Variants in CADPS2 observed in about 807,000 individuals in gnomAD.
CADPS2 encodes the protein calcium dependent secretion activator 2.
A neutral mutation model predicts 172.5 loss-of-function variants in CADPS2; 93 were observed. That is an observed-to-expected ratio of 0.54 (90% CI 0.46 to 0.64). The LOEUF (loss-of-function observed/expected upper bound fraction) is 0.64, where lower values mean the gene tolerates loss of function less well. Among genes scored for constraint, CADPS2 ranks in the 30% least tolerant of loss-of-function variants. CADPS2 has a pLI of 0.00. For synonymous variants in CADPS2, 546 were observed against 555.2 expected (o/e 0.98, Z 0.23); for missense variants, 1,420 against 1,565.9 (o/e 0.91, Z 1.57).
chr7:122,577,083 T>A (rs2132710980), intron 7 of CADPS2, among the ~76,000 whole-genome samples: 1 of 152,030 alleles, frequency 6.6e-6, no homozygotes, highest in South Asian at 2.1e-4. Flanking sequence ...TTTATAAGCT[T>A]CTGGCATTTC....
intron 3 of CADPS2, among the ~76,000 whole-genome samples, chr7:122,639,800 T>C (rs978007649): frequency 8.5e-5 from 13 of 152,210 alleles, no homozygotes; most frequent in African/African-American, 2.9e-4. Context: ...TGAGCGCTCA[T>C]AAACATTGGA....
chr7:122,364,690 G>A (rs1460670429), intron 25 of CADPS2, among the ~76,000 whole-genome samples: 2 of 149,850 alleles, frequency 1.3e-5, no homozygotes, highest in East Asian at 2.0e-4. Flanking sequence ...TTGCGCCACT[G>A]CACTCCAGCC....
intron 9 of CADPS2, among the ~76,000 whole-genome samples, chr7:122,498,987 A>T (rs926227378): frequency 2.0e-5 from 3 of 152,200 alleles, no homozygotes; most frequent in Non-Finnish European, 2.9e-5. Flanking sequence ...AATTTTTAAA[A>T]ATGCCAGCTG....
At chr7:122,705,917 A>AATATAAT (rs2087200545) in intron 2 of CADPS2, among the ~76,000 whole-genome samples, 1 of 1,374 alleles carries the variant, frequency 7.3e-4, no homozygotes, top group African/African-American at 1.0e-3. Context: ...TATATTATAT[A>AATATAAT]ATATAATATA....
intron 1 of CADPS2, among the ~76,000 whole-genome samples, chr7:122,747,093 T>A (rs2092748237): frequency 6.6e-6 from 1 of 152,028 alleles, no homozygotes; most frequent in Non-Finnish European, 1.5e-5. Context: ...GCCTGAGTGA[T>A]CTCTGTGGCA....
At chr7:122,425,104 A>G (rs994987680) in intron 17 of CADPS2, among the ~76,000 whole-genome samples, 9 of 151,936 alleles carry the variant, frequency 5.9e-5, no homozygotes, top group African/African-American at 2.2e-4. Context: ...CTCCCACCTC[A>G]GCCTCCTAAG....
At chr7:122,464,350 T>C (rs1020745560) in intron 14 of CADPS2, among the ~76,000 whole-genome samples, 1 of 152,184 alleles carries the variant, frequency 6.6e-6, no homozygotes, top group Non-Finnish European at 1.5e-5. Context: ...CATGAATCTA[T>C]ACGGATATAA....
At chr7:122,376,617 T>C (rs1400141347) in intron 25 of CADPS2, among the ~76,000 whole-genome samples, 1 of 152,140 alleles carries the variant, frequency 6.6e-6, no homozygotes, top group Non-Finnish European at 1.5e-5. Flanking sequence ...GTCTCAGTTA[T>C]GCATGATGAA....
chr7:122,392,897 C>T (rs2044561290), intron 22 of CADPS2, among the ~76,000 whole-genome samples: 1 of 152,112 alleles, frequency 6.6e-6, no homozygotes, highest in Non-Finnish European at 1.5e-5. Flanking sequence ...GATTATTTTA[C>T]TTAGGGTACA....
At chr7:122,500,942 T>C (rs538878272) in intron 9 of CADPS2, among the ~76,000 whole-genome samples, 1 of 152,234 alleles carries the variant, frequency 6.6e-6, no homozygotes, top group African/African-American at 2.4e-5. Context: ...TAATGGAACA[T>C]AATAAAATGT....
intron 1 of CADPS2, among the ~76,000 whole-genome samples, chr7:122,764,315 A>C (rs2093480230): frequency 6.6e-6 from 1 of 152,168 alleles, no homozygotes; most frequent in African/African-American, 2.4e-5. Flanking sequence ...CTTGAAAATA[A>C]GATGTTCATC....
chr7:122,822,815 G>A (rs1303330610), intron 1 of CADPS2, among the ~76,000 whole-genome samples: 3 of 146,290 alleles, frequency 2.1e-5, no homozygotes, highest in East Asian at 2.0e-4. Context: ...ACTCCTGCCC[G>A]CCAGAGAACC....
intron 22 of CADPS2, 143 bp downstream of exon 22, chr7:122,393,053 T>G: frequency 1.0e-6 from 1 of 993,956 alleles, no homozygotes; most frequent in Non-Finnish European, 1.4e-6. Flanking sequence ...CTTACTAGCT[T>G]AAAAACTCAA....
intron 9 of CADPS2, among the ~76,000 whole-genome samples, chr7:122,506,198 G>A (rs1358494840): frequency 6.6e-6 from 1 of 152,122 alleles, no homozygotes; most frequent in African/African-American, 2.4e-5. Context: ...TCCGGTATTT[G>A]TTTTCATTTA....
chr7:122,805,045 C>T (rs765881852), intron 1 of CADPS2, among the ~76,000 whole-genome samples: 68 of 152,170 alleles, frequency 4.5e-4, no homozygotes, highest in Non-Finnish European at 7.9e-4. Flanking sequence ...TCTTGTGTTC[C>T]TTTATTAACT....
chr7:122,425,425 CAAAAAAAA>C (rs71159797), intron 17 of CADPS2, among the ~76,000 whole-genome samples: 13 of 72,680 alleles, frequency 1.8e-4, no homozygotes, highest in Non-Finnish European at 3.4e-4. Flanking sequence ...CTATCTCTAC[CAAAAAAAA>C]AAAAAAAAAA....
At chr7:122,398,823 C>A (rs1480698559) in intron 20 of CADPS2, among the ~76,000 whole-genome samples, 1 of 149,432 alleles carries the variant, frequency 6.7e-6, no homozygotes, top group Non-Finnish European at 1.5e-5. Context: ...GAATAGCACC[C>A]AGCCAAGAAT....
At chr7:122,708,895 G>A (rs2088139572) in intron 2 of CADPS2, among the ~76,000 whole-genome samples, 1 of 151,874 alleles carries the variant, frequency 6.6e-6, no homozygotes, top group Admixed American at 6.6e-5. Context: ...GAAGGAAGAG[G>A]TAAATAGTCT....
intron 1 of CADPS2, among the ~76,000 whole-genome samples, chr7:122,882,133 C>A (rs908061219): frequency 6.6e-6 from 1 of 152,146 alleles, no homozygotes; most frequent in Admixed American, 6.5e-5. Flanking sequence ...TACTATTTCC[C>A]CAAATGTTCT....
Sources: allele counts gnomAD v4.1 joint callset (sites outside exome capture counted in the v4.1 genomes callset), GRCh38; gene constraint gnomAD v4.1.1; transcripts MANE v1.5; gene names NCBI Gene and HGNC (gene_info 2026-07-23, HGNC 2026-07-21).